The following MIGA1 variants were observed in gnomAD, a reference collection of about 807,000 sequenced individuals.
MIGA1 encodes the protein family with sequence similarity 73, member A.
In MIGA1, 58 loss-of-function variants were observed where a neutral mutation model predicts 82.0. The ratio of observed to expected loss-of-function variants is 0.71; its 90% CI spans 0.57 to 0.88. The LOEUF (loss-of-function observed/expected upper bound fraction) is 0.88, where lower values mean the gene tolerates loss of function less well. Among genes scored for constraint, MIGA1 ranks in the 40% least tolerant of loss-of-function variants. The pLI, the probability that MIGA1 is intolerant of heterozygous loss-of-function variation, is 0.00. For synonymous variants in MIGA1, 249 were observed against 253.6 expected, an observed-to-expected ratio of 0.98 and a Z score of 0.17; for missense variants, 751 against 749.1, an observed-to-expected ratio of 1.00 and a Z score of -0.03.
chr1:77,811,166 C>T, intron 5 of MIGA1: 1 of 1,522,366 alleles, frequency 6.6e-7, no homozygotes, highest in Non-Finnish European at 9.1e-7. Context: ...ACAGGAGTAT[C>T]TTGCACAGGA....
Position 77,839,111 on chromosome 1 carries a change from A to G in MIGA1, c.896-4196A>G, listed in dbSNP as rs1454030398. ...GGTAGAATTGCTAGGTCATAGAGAA[A>G]GCCATCTTGAACTTTCATAGGTAAT... is the stretch of plus-strand genomic sequence containing the variant. On this transcript the variant is annotated intron_variant, in intron 7 of 15. Coordinates refer to ENST00000370791, the MANE Select transcript of MIGA1 (RefSeq NM_198549.4). 2.0e-5 allele frequency among the ~76,000 whole-genome samples: 3 copies of G among 152,296 alleles called. No individual in the cohort carries two copies. In the East Asian group the frequency reaches 5.8e-4, roughly 29 times the overall value.
Position 77,797,733 on chromosome 1 carries a change from T to C in MIGA1, c.196-3598T>C, listed in dbSNP as rs149010392. 4.6e-5 allele frequency among the ~76,000 whole-genome samples: 7 copies of C among 152,326 alleles called. No individual in the cohort carries two copies. In the East Asian group the frequency reaches 1.3e-3, roughly 29 times the overall value. On this transcript the variant is annotated intron_variant, in intron 2 of 15. Transcript: ENST00000370791. Reference sequence around the variant, plus strand: ...TGGTGCTATTATAAATAGTATTACTTTTTGAAATTCAAATTCCGGTTGCTT... The same window carrying C: ...TGGTGCTATTATAAATAGTATTACTCTTTGAAATTCAAATTCCGGTTGCTT...
chr1:77,858,344 C>CAA (rs762233339), intron 8 of MIGA1, among the ~76,000 whole-genome samples: 10 of 129,606 alleles, frequency 7.7e-5, no homozygotes, highest in African/African-American at 1.9e-4. Flanking sequence ...GACCCTGTCT[C>CAA]AAAAAAAAAA....
At chr1:77,822,386 T>G (rs1343986650) in intron 7 of MIGA1, among the ~76,000 whole-genome samples, 2 of 152,102 alleles carry the variant, frequency 1.3e-5, no homozygotes, top group African/African-American at 4.8e-5. Context: ...TGTTGGTACC[T>G]ATGCACTCTA....
chr1:77,822,835 GTTTT>G, intron 7 of MIGA1, among the ~76,000 whole-genome samples: 1 of 109,366 alleles, frequency 9.1e-6, no homozygotes, highest in Non-Finnish European at 1.9e-5. Flanking sequence ...CTTTCAGCAT[GTTTT>G]TTTTTTTTTT....
chr1:77,794,098 T>C (rs1020404087), intron 2 of MIGA1, among the ~76,000 whole-genome samples: 3 of 152,144 alleles, frequency 2.0e-5, no homozygotes, highest in Non-Finnish European at 4.4e-5. Flanking sequence ...CTTAAACTTT[T>C]ATTTTGAAAG....
At chr1:77,867,608 G>A (rs1000000914) in intron 14 of MIGA1, among the ~76,000 whole-genome samples, 1 of 152,178 alleles carries the variant, frequency 6.6e-6, no homozygotes, top group South Asian at 2.1e-4. Context: ...GATTACAGGC[G>A]TGAGCCACTG....
chr1:77,794,675 G>C (rs1682579668), intron 2 of MIGA1, among the ~76,000 whole-genome samples: 1 of 152,186 alleles, frequency 6.6e-6, no homozygotes, highest in Non-Finnish European at 1.5e-5. Flanking sequence ...AGTGATGCAT[G>C]TCTGTAGTCC....
intron 4 of MIGA1, among the ~76,000 whole-genome samples, chr1:77,805,458 A>G (rs1368583638): frequency 1.6e-4 from 6 of 37,256 alleles, no homozygotes; most frequent in African/African-American, 5.9e-4. Context: ...GAATATGCCT[A>G]TTCTTTTTTT....
At chr1:77,839,209 C>T (rs930415632) in intron 7 of MIGA1, among the ~76,000 whole-genome samples, 1 of 151,924 alleles carries the variant, frequency 6.6e-6, no homozygotes, top group East Asian at 1.9e-4. Context: ...GACCGTACAT[C>T]CTCGACCAAA....
chr1:77,847,508 G>A, intron 8 of MIGA1: 1 of 1,439,228 alleles, frequency 6.9e-7, no homozygotes, highest in Non-Finnish European at 9.8e-7. Flanking sequence ...AAATGGAAAA[G>A]GAAATACAGA....
At chr1:77,781,968 C>T (rs1334052027) in intron 1 of MIGA1, among the ~76,000 whole-genome samples, 2 of 151,774 alleles carry the variant, frequency 1.3e-5, no homozygotes, top group Non-Finnish European at 2.9e-5. Context: ...AAATGAAGGG[C>T]CTAAAAAAGT....
intron 13 of MIGA1, among the ~76,000 whole-genome samples, chr1:77,865,747 C>A (rs1334875623): frequency 1.3e-5 from 2 of 150,906 alleles, no homozygotes; most frequent in Non-Finnish European, 3.0e-5. Context: ...AGAGTGCAGT[C>A]TTTTTCCTTT....
chr1:77,847,652 T>C (rs985924761), intron 8 of MIGA1: 41 of 1,569,044 alleles, frequency 2.6e-5, no homozygotes, highest in Admixed American at 2.6e-4. Context: ...CGTGTTTGGA[T>C]GTAACCAAGC....
chr1:77,790,891 C>T (rs750217004), intron 2 of MIGA1, among the ~76,000 whole-genome samples: 3 of 152,012 alleles, frequency 2.0e-5, no homozygotes, highest in Admixed American at 6.6e-5. Context: ...CCTGGCCCCT[C>T]GCACCATTCC....
At position 77,783,232 on chromosome 1, in the gene MIGA1, A is replaced by G. The variant is rs1557891071; in HGVS notation, c.82-6A>G. Reference sequence around the variant, plus strand: ...GCTAATTTTTTTTATGTTTCATTTAATGAAGATTAGAAGAGGAGCCATGTC... The same window carrying G: ...GCTAATTTTTTTTATGTTTCATTTAGTGAAGATTAGAAGAGGAGCCATGTC... On this transcript the variant is annotated splice_region_variant and splice_polypyrimidine_tract_variant and intron_variant, in intron 1 of 15. Coordinates refer to ENST00000370791, the MANE Select transcript of MIGA1 (RefSeq NM_198549.4). The G allele has an allele frequency of 6.5e-7, 1 of 1,543,372 alleles. No individual in the cohort carries two copies. The highest frequency in any genetic ancestry group is 8.8e-7 in the Non-Finnish European group (1 of 1,132,774).
chr1:77,853,554 G>A (rs1004867469), intron 8 of MIGA1: 1 of 164,044 alleles, frequency 6.1e-6, no homozygotes, highest in African/African-American at 2.4e-5. Context: ...CATAATGAAC[G>A]CTCGTCTCTA....
chr1:77,781,974 A>G (rs1446888959), intron 1 of MIGA1, among the ~76,000 whole-genome samples: 1 of 152,164 alleles, frequency 6.6e-6, no homozygotes, highest in Non-Finnish European at 1.5e-5. Flanking sequence ...AGGGCCTAAA[A>G]AAGTGTAGCA....
At chr1:77,844,594 C>T (rs1684767483) in intron 8 of MIGA1, among the ~76,000 whole-genome samples, 2 of 152,028 alleles carry the variant, frequency 1.3e-5, no homozygotes, top group South Asian at 4.1e-4. Context: ...TTAAAAATTA[C>T]GTGTGGCCAA....
Sources: gnomAD v4.1 joint callset for allele counts (sites outside exome capture counted in the v4.1 genomes callset) on GRCh38, gnomAD v4.1.1 for gene constraint, MANE v1.5 for transcripts, NCBI Gene and HGNC (gene_info 2026-07-23, HGNC 2026-07-21) for gene names.